The following HOXC5 variants were observed in gnomAD, a reference collection of about 807,000 sequenced individuals.
HOXC5 encodes the protein homeobox C5.
In HOXC5, 19 loss-of-function variants were observed where a neutral mutation model predicts 20.1. The ratio of observed to expected loss-of-function variants is 0.94; its 90% CI spans 0.66 to 1.38. The LOEUF is 1.38. Ranked by LOEUF, HOXC5 falls within the 40% of genes most tolerant of loss-of-function variation. The pLI is 0.00. For missense variants in HOXC5, 330 were observed against 300.1 expected (o/e 1.10, Z -0.74); for synonymous variants, 124 against 117.0 (o/e 1.06, Z -0.39).
Position 54,034,658 on chromosome 12 carries a change from C to T in HOXC5, c.*166C>T, listed in dbSNP as rs1282794810. The T allele has an allele frequency of 4.8e-6, 3 of 618,826 alleles. No homozygotes were observed. Among genetic ancestry groups the T allele is most frequent in the African/African-American group, 1.8e-5 (1 of 54,168 alleles). 38.3% of individuals were successfully genotyped at this position (618,826 alleles called of 1,614,324 possible). On this transcript the variant is annotated 3_prime_UTR_variant, in exon 2 of 2. Transcript: ENST00000312492. ...TTTTCCTTGGCATTCCGCATCCCTA[C>T]CGACCCAGGGTTCCCGCGGGGCTGT...
chr12:54,020,156 G>A, the HOXC5 span: 1 of 152,252 alleles, frequency 6.6e-6, no homozygotes, highest in South Asian at 2.1e-4. Flanking sequence ...TGCTGACGTG[G>A]TCCTTCCTGC....
intron 1 of HOXC5, 121 bp downstream of exon 1, chr12:54,033,697 T>C (rs1941082200): frequency 1.2e-6 from 1 of 844,192 alleles, no homozygotes; most frequent in Admixed American, 2.9e-5. Flanking sequence ...CAATGGCTCG[T>C]AAAACTGTCC....
chr12:54,030,147 C>G, upstream of HOXC5: 2 of 574,250 alleles, frequency 3.5e-6, no homozygotes. Context: ...GCACAACTCT[C>G]TTTCACCACG....
the HOXC5 span, among the ~76,000 whole-genome samples, chr12:54,027,106 T>G: frequency 6.6e-6 from 1 of 152,240 alleles, no homozygotes; most frequent in Non-Finnish European, 1.5e-5. Context: ...CTGCACACTT[T>G]CCGCTGTTTC....
chr12:54,032,902 T>C, upstream of HOXC5: 1 of 406,496 alleles, frequency 2.5e-6, no homozygotes, highest in Non-Finnish European at 4.4e-6. Flanking sequence ...CTTCCATCAC[T>C]AACCTCCCGG....
chr12:54,028,739 G>A, upstream of HOXC5: 1 of 1,614,072 alleles, frequency 6.2e-7, no homozygotes, highest in Non-Finnish European at 8.5e-7. Context: ...TATGACTATG[G>A]ATCTAATTCC....
rs371365110 is a variant in HOXC5, at chr12:54,034,529, C to T, written c.*37C>T. 3 of 1,542,692 alleles carry T rather than the reference C, an allele frequency of 1.9e-6. No individual in the cohort carries two copies. Among genetic ancestry groups the T allele is most frequent in the East Asian group, 4.5e-5 (2 of 44,544 alleles). The stretch of plus-strand genomic sequence containing the variant: ...GAGGCCCGCAGAGCGCGCCCCTAGC[C>T]GGTTCCTGTCCCTGCGCCTTTCCTT... On this transcript the variant is annotated 3_prime_UTR_variant, in exon 2 of 2. Coordinates refer to ENST00000312492, the MANE Select transcript of HOXC5 (RefSeq NM_018953.4).
chr12:54,018,164 G>C, the HOXC5 span, among the ~76,000 whole-genome samples: 1 of 152,200 alleles, frequency 6.6e-6, no homozygotes, highest in Non-Finnish European at 1.5e-5. Context: ...GTTGTAGGGT[G>C]GGGGTGGGGG....
At chr12:54,033,602 C>T (rs375633977) in intron 1 of HOXC5, 26 bp downstream of exon 1, 1 of 1,508,668 alleles carries the variant, frequency 6.6e-7, no homozygotes, top group Non-Finnish European at 8.9e-7. Flanking sequence ...TCATTTTGCG[C>T]TCTCGGGTCC....
upstream of HOXC5, among the ~76,000 whole-genome samples, chr12:54,031,214 AG>A (rs550254034): frequency 6.6e-5 from 10 of 152,324 alleles, no homozygotes; most frequent in South Asian, 1.9e-3. Flanking sequence ...TCCAGGCACC[AG>A]GGTCTCCTCC....
upstream of HOXC5, chr12:54,029,700 C>T (rs1003317155): frequency 5.0e-6 from 8 of 1,614,140 alleles, no homozygotes; most frequent in Non-Finnish European, 6.8e-6. Context: ...CAGATCTACT[C>T]GCGGTACCAG....
Position 54,033,363 on chromosome 12 carries a change from G to A in HOXC5, c.241G>A (p.Ala81Thr). ...CCGCCCCGCCTGCAGCGCCGCGGCC[G>A]CTCCGGGACACGCTCCGGGCAGAGA... The part of the protein sequence containing the change: ...PDRPACSAAA[A>T]PGHAPGRDEA... Residue 81 changes from alanine (A) to threonine (T), a missense_variant, in exon 1 of 2, where the codon GCT becomes ACT. Physicochemically the swap from Ala to Thr is moderately conservative, Grantham distance 58. Transcript: ENST00000312492. 3 of 1,612,632 alleles carry A rather than the reference G, an allele frequency of 1.9e-6. No homozygotes were observed. The highest frequency in any genetic ancestry group is 2.5e-6 in the Non-Finnish European group (3 of 1,179,346).
chr12:54,033,703 T>C (rs1189687368), intron 1 of HOXC5, 127 bp downstream of exon 1: 27 of 811,286 alleles, frequency 3.3e-5, no homozygotes, highest in Non-Finnish European at 4.7e-5. Flanking sequence ...CTCGTAAAAC[T>C]GTCCACTAAA....
chr12:54,026,967 G>GT, the HOXC5 span, among the ~76,000 whole-genome samples: 1 of 95,582 alleles, frequency 1.0e-5, no homozygotes, highest in African/African-American at 3.4e-5. Context: ...AAAATGGTGG[G>GT]GGGGGGGGGA....
rs1215884607 is a variant in HOXC5, at chr12:54,033,485, G to T, written c.363G>T (p.Glu121Asp). 1 of 1,594,502 alleles carries T rather than the reference G, an allele frequency of 6.3e-7. No individual in the cohort carries two copies. Among genetic ancestry groups the T allele is most frequent in the Non-Finnish European group, 8.5e-7 (1 of 1,173,380 alleles). Reference protein sequence around the residue: ...RAKSSGEIKEEQAQTGQPAGL... With the variant: ...RAKSSGEIKEDQAQTGQPAGL... Reference sequence around the variant, plus strand: ...AGAGCAGTGGGGAGATCAAAGAGGAGCAGGCGCAGACAGGGCAGCCCGCCG... The same window carrying T: ...AGAGCAGTGGGGAGATCAAAGAGGATCAGGCGCAGACAGGGCAGCCCGCCG... Residue 121 changes from glutamate to aspartate, a missense_variant, in exon 1 of 2, where the codon GAG (glutamate) becomes GAT (aspartate). Physicochemically the swap from Glu to Asp is conservative, Grantham distance 45. Coordinates refer to ENST00000312492, the MANE Select transcript of HOXC5 (RefSeq NM_018953.4).
chr12:54,026,532 G>T, the HOXC5 span, among the ~76,000 whole-genome samples: 1 of 152,176 alleles, frequency 6.6e-6, no homozygotes, highest in Non-Finnish European at 1.5e-5. Context: ...AAGAAAGTGT[G>T]ATCTAGAAGG....
chr12:54,029,989 T>A, upstream of HOXC5: 1 of 1,488,122 alleles, frequency 6.7e-7, no homozygotes, highest in Non-Finnish European at 9.0e-7. Flanking sequence ...CACCCCTCTC[T>A]CCCTTTCTCC....
the HOXC5 span, among the ~76,000 whole-genome samples, chr12:54,022,872 G>A: frequency 8.9e-4 from 136 of 152,162 alleles, no homozygotes; most frequent in Admixed American, 8.6e-3. Context: ...CATGTGGAGG[G>A]GTATAGAAGA....
Position 54,033,323 on chromosome 12 carries a change from C to T in HOXC5, c.201C>T (p.Pro67=), listed in dbSNP as rs1231067616. The stretch of plus-strand genomic sequence containing the variant: ...ACGGGGTAGACATGGCTGCCAACCC[C>T]CGGGCTCACCCCGACCGCCCCGCCT... ...SLHGVDMAAN[P]RAHPDRPACS... is the part of the protein sequence containing the mutation. The change falls in exon 1 of 2, where the codon CCC becomes CCT. Residue 67 remains proline, a synonymous_variant. Transcript: ENST00000312492. 1.9e-6 allele frequency: 3 copies of T among 1,613,644 alleles called. No homozygotes were observed. Among genetic ancestry groups the T allele is most frequent in the South Asian group, 1.1e-5 (1 of 91,082 alleles).
Sources: gnomAD v4.1 joint callset for allele counts (sites outside exome capture counted in the v4.1 genomes callset) on GRCh38, gnomAD v4.1.1 for gene constraint, MANE v1.5 for transcripts, NCBI Gene and HGNC (gene_info 2026-07-23, HGNC 2026-07-21) for gene names.